ARHGAP28: variants seen among roughly 807,000 people sequenced by gnomAD.
The protein encoded by ARHGAP28 is rho GTPase-activating protein 28.
A neutral mutation model predicts 90.7 loss-of-function variants in ARHGAP28; 56 were observed. The observed-to-expected ratio is 0.62, with a 90% CI of 0.50 to 0.77. The LOEUF is 0.77. ARHGAP28 is among the 30% of genes least tolerant of loss of function. The probability of loss-of-function intolerance (pLI) is 0.00; values close to 1 mark genes in which losing one functional copy is unlikely to be tolerated. For synonymous variants in ARHGAP28, 308 were observed against 323.3 expected (o/e 0.95, Z 0.51); for missense variants, 869 against 900.9 (o/e 0.96, Z 0.45).
At chr18:6,772,419 C>T (rs964911981) in intron 1 of ARHGAP28, among the ~76,000 whole-genome samples, 7 of 152,094 alleles carry the variant, frequency 4.6e-5, no homozygotes, top group Non-Finnish European at 5.9e-5. Context: ...TAGGATGGTT[C>T]GACTTAGGAT....
At position 6,877,672 on chromosome 18, in the gene ARHGAP28, GA is replaced by G. The variant is rs533716695; in HGVS notation, c.1290+1467del. Among the ~76,000 whole-genome samples, 290 of 152,312 alleles carry G rather than the reference GA, an allele frequency of 1.9e-3. 3 individuals carry two copies. Among genetic ancestry groups the G allele is most frequent in the African/African-American group, 6.7e-3 (277 of 41,558 alleles). On this transcript the variant is annotated intron_variant, in intron 10 of 17. Transcript: ENST00000383472. The stretch of plus-strand genomic sequence containing the variant: ...GGCACAAGTTCTTGTGGAAGGCAGG[GA>G]AATGCCCAACGGCTCCTTAAGGTTT...
intron 2 of ARHGAP28, among the ~76,000 whole-genome samples, chr18:6,830,139 C>G (rs1258998598): frequency 1.3e-5 from 2 of 152,134 alleles, no homozygotes; most frequent in Non-Finnish European, 2.9e-5. Context: ...AGTATGACCT[C>G]ATCTCAATTT....
At chr18:6,854,330 T>A (rs2056935294) in intron 4 of ARHGAP28, among the ~76,000 whole-genome samples, 1 of 152,180 alleles carries the variant, frequency 6.6e-6, no homozygotes, top group Admixed American at 6.5e-5. Flanking sequence ...CTGCAACTTT[T>A]TAAATTTTAT....
intron 1 of ARHGAP28, among the ~76,000 whole-genome samples, chr18:6,743,862 A>C (rs1310190895): frequency 2.6e-5 from 4 of 152,226 alleles, no homozygotes; most frequent in Admixed American, 6.5e-5. Flanking sequence ...TGGGGCTACA[A>C]AAATGGTTAA....
intron 1 of ARHGAP28, chr18:6,790,426 A>T (rs2056398561): frequency 6.6e-6 from 1 of 152,208 alleles, no homozygotes; most frequent in South Asian, 2.1e-4. Flanking sequence ...TTAGTCCAAA[A>T]TGTTCCAGTT....
intron 14 of ARHGAP28, among the ~76,000 whole-genome samples, chr18:6,891,171 G>A (rs2057262214): frequency 6.6e-6 from 1 of 152,200 alleles, no homozygotes. Context: ...TACACCTAAT[G>A]TGGGAGACAA....
At chr18:6,904,855 T>C (rs1226482284) in intron 16 of ARHGAP28, among the ~76,000 whole-genome samples, 1 of 152,130 alleles carries the variant, frequency 6.6e-6, no homozygotes, top group Non-Finnish European at 1.5e-5. Flanking sequence ...AGCCACTAAT[T>C]ACCAAAATAC....
At chr18:6,875,969 T>C (rs2057128021) in intron 9 of ARHGAP28, among the ~76,000 whole-genome samples, 162 bp from the exon 10 acceptor site, 1 of 152,212 alleles carries the variant, frequency 6.6e-6, no homozygotes, top group South Asian at 2.1e-4. Context: ...GAGGATAACG[T>C]TGACGTCATA....
At chr18:6,811,188 C>A (rs541610683) in intron 1 of ARHGAP28, among the ~76,000 whole-genome samples, 17 of 152,292 alleles carry the variant, frequency 1.1e-4, no homozygotes, top group Admixed American at 7.8e-4. Flanking sequence ...TTCCTGGATT[C>A]TTAATCTTGC....
chr18:6,903,754 G>A (rs1049136788), intron 16 of ARHGAP28, among the ~76,000 whole-genome samples: 3 of 150,746 alleles, frequency 2.0e-5, no homozygotes, highest in South Asian at 2.1e-4. Flanking sequence ...GCTTGAACCC[G>A]GGAGGCGGAG....
rs564293730 is a variant in ARHGAP28, at chr18:6,837,109, A to T, written c.326-88A>T. 18 of 950,656 alleles carry T rather than the reference A, an allele frequency of 1.9e-5. No homozygotes were observed. The East Asian group carries it at 4.8e-4, about 25-fold the overall frequency. The allele number at this position is 950,656 out of a possible 1,614,324, so 58.9% of individuals were successfully genotyped here. ...ACTGTAGAAAAAAAATACAAATATT[A>T]TTTACCAATACTTCTTGTCTGATAT... On this transcript the variant is annotated intron_variant, in intron 2 of 17. Coordinates refer to ENST00000383472, the MANE Select transcript of ARHGAP28 (RefSeq NM_001366230.1).
chr18:6,866,054 C>T (rs1015758909), intron 5 of ARHGAP28, among the ~76,000 whole-genome samples: 28 of 152,126 alleles, frequency 1.8e-4, no homozygotes, highest in Admixed American at 1.4e-3. Flanking sequence ...TAATGAGGAA[C>T]GGATGTTTTA....
chr18:6,731,291 C>CGTGTGTGT (rs60399521), intron 1 of ARHGAP28, among the ~76,000 whole-genome samples: 2 of 149,476 alleles, frequency 1.3e-5, no homozygotes, highest in Non-Finnish European at 3.0e-5. Flanking sequence ...TATATGTGTG[C>CGTGTGTGT]GTGTGTGTGT....
intron 1 of ARHGAP28, among the ~76,000 whole-genome samples, chr18:6,767,895 T>A (rs941589835): frequency 1.1e-4 from 16 of 152,264 alleles, no homozygotes; most frequent in African/African-American, 3.8e-4. Flanking sequence ...TTTCTTTAAA[T>A]CAGTTCCCCG....
At chr18:6,907,392 T>C (rs1393925303) in intron 16 of ARHGAP28, among the ~76,000 whole-genome samples, 1 of 86,968 alleles carries the variant, frequency 1.1e-5, no homozygotes, top group Non-Finnish European at 2.4e-5. Flanking sequence ...AGTCAAAAAC[T>C]GGAAAAAAAA....
At chr18:6,910,572 T>G (rs1357660392) in intron 17 of ARHGAP28, among the ~76,000 whole-genome samples, 1 of 152,096 alleles carries the variant, frequency 6.6e-6, no homozygotes, top group Non-Finnish European at 1.5e-5. Context: ...GCCAGGTCTT[T>G]GCGGATAAAT....
intron 10 of ARHGAP28, among the ~76,000 whole-genome samples, chr18:6,879,018 G>T (rs1332047111): frequency 6.6e-6 from 1 of 152,132 alleles, no homozygotes; most frequent in Non-Finnish European, 1.5e-5. Flanking sequence ...GAACGGTCTG[G>T]CCTGGCTTTG....
chr18:6,904,191 C>A (rs1361679800), intron 16 of ARHGAP28, among the ~76,000 whole-genome samples: 2 of 152,118 alleles, frequency 1.3e-5, no homozygotes, highest in Non-Finnish European at 2.9e-5. Flanking sequence ...GTCAGAAGTT[C>A]GAGAGCAGCC....
At chr18:6,872,762 G>C (rs1178908267) in intron 7 of ARHGAP28, among the ~76,000 whole-genome samples, 3 of 152,182 alleles carry the variant, frequency 2.0e-5, no homozygotes, top group African/African-American at 7.2e-5. Context: ...TGTGAAAATA[G>C]AGAATATGTC....
Sources: gnomAD v4.1 joint callset for allele counts (sites outside exome capture counted in the v4.1 genomes callset) on GRCh38, gnomAD v4.1.1 for gene constraint, MANE v1.5 for transcripts, NCBI Gene and HGNC (gene_info 2026-07-23, HGNC 2026-07-21) for gene names.